The following C2CD2 variants were observed in gnomAD, a reference collection of about 807,000 sequenced individuals.
C2CD2 encodes the protein C2 calcium dependent domain containing 2, also known as C2 domain-containing protein 2.
C2CD2 carries 43 observed loss-of-function variants against 74.3 expected under a neutral mutation model. That is an observed-to-expected ratio of 0.58 (90% CI 0.45 to 0.75). C2CD2 has a LOEUF of 0.75. C2CD2 is among the 30% of genes least tolerant of loss of function. C2CD2 has a pLI of 0.00. For missense variants in C2CD2, 801 were observed against 916.3 expected (o/e 0.87, Z 1.63); for synonymous variants, 422 against 390.7 (o/e 1.08, Z -0.94).
intron 1 of C2CD2, among the ~76,000 whole-genome samples, chr21:41,944,815 T>C (rs2065385625): frequency 6.6e-6 from 1 of 152,130 alleles, no homozygotes; most frequent in Non-Finnish European, 1.5e-5. Context: ...CACACAAGAA[T>C]TGCCAGGAAA....
chr21:41,933,689 C>T (rs183385649), intron 2 of C2CD2, among the ~76,000 whole-genome samples: 113 of 152,372 alleles, frequency 7.4e-4, no homozygotes, highest in Non-Finnish European at 1.3e-3. Context: ...CAGATCCCAA[C>T]AGGACTTCCT....
rs896466838 is a variant in C2CD2, at chr21:41,901,975, G to C, written c.1433-226C>G. ...AGACCACAGGTAAATAAATGAGCAT[G>C]GCTGGGTTTCAGTAAAACTTTATTT... On this transcript the variant is annotated intron_variant, in intron 11 of 13. Transcript: ENST00000380486. Among the ~76,000 whole-genome samples the C allele has an allele frequency of 5.3e-5, 8 of 152,172 alleles. No homozygotes were observed. The South Asian group carries it at 1.7e-3, about 32-fold the overall frequency.
At chr21:41,891,545 G>C (rs1175200103) in intron 13 of C2CD2, among the ~76,000 whole-genome samples, 2 of 152,230 alleles carry the variant, frequency 1.3e-5, no homozygotes, top group African/African-American at 4.8e-5. Context: ...CCAGCTGTCA[G>C]GGGGCTCTGA....
intron 13 of C2CD2, among the ~76,000 whole-genome samples, chr21:41,891,606 T>C (rs2064754893): frequency 6.6e-6 from 1 of 152,126 alleles, no homozygotes; most frequent in African/African-American, 2.4e-5. Flanking sequence ...CAGTGGTGTT[T>C]CTGATCTATA....
Position 41,926,354 on chromosome 21 carries a change from T to C in C2CD2, c.379-4269A>G. 1.2e-6 allele frequency: 1 copy of C among 810,156 alleles called. No individual in the cohort carries two copies. Among genetic ancestry groups the C allele is most frequent in the Non-Finnish European group, 1.5e-6 (1 of 670,030 alleles). 50.2% of individuals were successfully genotyped at this position (810,156 alleles called of 1,614,324 possible). ...GAGTGTTTTTCGGAGTGGGGGGCTA[T>C]TCACGGTAAGTCAGGGTCTCCACAT... On this transcript the variant is annotated intron_variant, in intron 2 of 13. Transcript: ENST00000380486. This position sits in a 1 kb window ranked among gnomAD's most constrained non-coding sequence, Gnocchi z 8.0.
At chr21:41,907,493 G>A (rs774545427) in intron 9 of C2CD2, among the ~76,000 whole-genome samples, 167 bp downstream of exon 9, 1 of 152,218 alleles carries the variant, frequency 6.6e-6, no homozygotes, top group African/African-American at 2.4e-5. Flanking sequence ...TGGACAGAAC[G>A]TGCTCTATTC....
At position 41,907,662 on chromosome 21, in the gene C2CD2, C is replaced by A; in HGVS notation, c.1141G>T (p.Glu381Ter). 6.2e-7 allele frequency: 1 copy of A among 1,611,118 alleles called. No homozygotes were observed. Among genetic ancestry groups the A allele is most frequent in the Admixed American group, 1.7e-5 (1 of 59,820 alleles). Residue 381 changes from glutamate (E) to a stop codon, truncating the protein, a stop_gained and splice_region_variant, in exon 9 of 14, where the codon GAG becomes TAG. Transcript: ENST00000380486. LOFTEE classifies it high-confidence loss of function. ...GSSVLGSVTA[E>*]FSYMEPGELK... ...CGCGGCGGACAGCCTCGCCCTACCTCTGCCGTGACCGAGCCCAGCACCGAG... is the reference window on the plus strand; with the variant it reads ...CGCGGCGGACAGCCTCGCCCTACCTATGCCGTGACCGAGCCCAGCACCGAG...
chr21:41,930,013 A>ACACCACTGTGAACCCGCTGCCCTACACG (rs1555904531), intron 2 of C2CD2, among the ~76,000 whole-genome samples: 10 of 151,296 alleles, frequency 6.6e-5, no homozygotes, highest in Admixed American at 2.6e-4. Flanking sequence ...AAAGGGAGGA[A>ACACCACTGTGAACCCGCTGCCCTACACG]GCGAGCAGGT....
intron 13 of C2CD2, among the ~76,000 whole-genome samples, chr21:41,893,822 CT>C (rs2064788278): frequency 6.6e-6 from 1 of 151,864 alleles, no homozygotes; most frequent in Non-Finnish European, 1.5e-5. Flanking sequence ...CTGCCTCAGC[CT>C]CCCAAGCAGC....
rs544422003 is a variant in C2CD2, at chr21:41,912,463, C to T, written c.845-23G>A. The T allele has an allele frequency of 1.4e-5, 17 of 1,258,840 alleles. No individual in the cohort carries two copies. In the Admixed American group the frequency reaches 3.6e-4, roughly 26 times the overall value. The allele number at this position is 1,258,840 out of a possible 1,614,324, so 78.0% of individuals were successfully genotyped here. A position where few individuals can be genotyped will look rare whatever the true frequency, so the allele number is the denominator to read the frequency against. On this transcript the variant is annotated intron_variant, in intron 6 of 13. Coordinates refer to ENST00000380486, the MANE Select transcript of C2CD2 (RefSeq NM_015500.2). ...GGCCTGTAATTAAATAGAAGGGCAT[C>T]GTGTTGGCGTTTATTTTTATTATTT...
At chr21:41,911,043 T>G (rs928077142) in intron 7 of C2CD2, among the ~76,000 whole-genome samples, 10 of 152,252 alleles carry the variant, frequency 6.6e-5, no homozygotes, top group African/African-American at 2.4e-4. Flanking sequence ...GTGAGTCTGC[T>G]TCTGGTATTT....
intron 5 of C2CD2, 140 bp downstream of exon 5, chr21:41,917,965 A>G (rs2065111002): frequency 1.0e-5 from 9 of 894,364 alleles, no homozygotes; most frequent in Non-Finnish European, 1.6e-5. Flanking sequence ...CACCATCATG[A>G]TCTCCAGCAA....
intron 5 of C2CD2, among the ~76,000 whole-genome samples, chr21:41,917,028 G>C (rs1257094397): frequency 6.6e-6 from 1 of 152,168 alleles, no homozygotes; most frequent in Admixed American, 6.5e-5. Context: ...CATTTGGAGA[G>C]GCTGAGTGCC....
Position 41,907,837 on chromosome 21 carries a change from G to A in C2CD2, c.1019-53C>T, listed in dbSNP as rs62214749. ...TGCCGCTGATGTTTCCCGGGCTTCC[G>A]TGAGGACGGAAAGGCCCACACGCCC... is the stretch of plus-strand genomic sequence containing the variant. On this transcript the variant is annotated intron_variant, in intron 8 of 13. Coordinates refer to ENST00000380486, the MANE Select transcript of C2CD2 (RefSeq NM_015500.2). 13,233 of 1,610,054 alleles carry A rather than the reference G, an allele frequency of 8.2e-3. 73 individuals are homozygous for A. The highest frequency in any genetic ancestry group is 9.9e-3 in the Non-Finnish European group (11,703 of 1,177,274).
intron 13 of C2CD2, among the ~76,000 whole-genome samples, chr21:41,897,113 GC>G (rs2064832790): frequency 6.6e-6 from 1 of 152,220 alleles, no homozygotes; most frequent in Non-Finnish European, 1.5e-5. Flanking sequence ...CATCCACCTG[GC>G]CCGTGAAGGG....
At chr21:41,897,074 G>C (rs992296594) in intron 13 of C2CD2, among the ~76,000 whole-genome samples, 1 of 152,124 alleles carries the variant, frequency 6.6e-6, no homozygotes, top group Non-Finnish European at 1.5e-5. Context: ...ACACCTGCCC[G>C]ACACCCAGTC....
intron 13 of C2CD2, among the ~76,000 whole-genome samples, chr21:41,898,390 A>G (rs189634473): frequency 1.1e-3 from 160 of 152,284 alleles, no homozygotes; most frequent in South Asian, 8.3e-3. Context: ...CCCCTAGACT[A>G]TATGTCCTTA....
chr21:41,899,769 G>A lies in C2CD2; in HGVS notation c.1561-407C>T, dbSNP rs549827658. 6.6e-5 allele frequency among the ~76,000 whole-genome samples: 10 copies of A among 152,256 alleles called. No individual in the cohort carries two copies. Among genetic ancestry groups the A allele is most frequent in the Admixed American group, 4.6e-4 (7 of 15,304 alleles). On this transcript the variant is annotated intron_variant, in intron 12 of 13. Transcript: ENST00000380486. The surrounding 1 kb of genome is among the most constrained non-coding windows in gnomAD (Gnocchi z 4.4). The stretch of plus-strand genomic sequence containing the variant: ...GGTTTAGCTGTCTTTGTTCCTACAC[G>A]TTTATGTTACCTGCAAGTGGAAATT...
rs2065243667 is a variant in C2CD2 at position 41,929,318 on chromosome 21, G to A, written c.379-7233C>T. On this transcript the variant is annotated intron_variant, in intron 2 of 13. Transcript: ENST00000380486. The surrounding 1 kb of genome is among the most constrained non-coding windows in gnomAD (Gnocchi z 4.6). ...TGCTTCTGACACAGGAGCATGGTGA[G>A]CTCTCATGAGAAGGGATACAAGCTC... Among the ~76,000 whole-genome samples, 1 of 152,190 alleles carries A rather than the reference G, an allele frequency of 6.6e-6. No individual in the cohort carries two copies. The highest frequency in any genetic ancestry group is 1.5e-5 in the Non-Finnish European group (1 of 68,030).
Sources: allele counts gnomAD v4.1 joint callset (sites outside exome capture counted in the v4.1 genomes callset), GRCh38; gene constraint gnomAD v4.1.1; non-coding constraint Gnocchi (gnomAD v3.1); transcripts MANE v1.5; gene names NCBI Gene and HGNC (gene_info 2026-07-23, HGNC 2026-07-21).